The following RSF1 variants were observed in gnomAD, a reference collection of about 807,000 sequenced individuals.
RSF1 encodes the protein HBV pX-associated protein 8.
In RSF1, 13 loss-of-function variants were observed where a neutral mutation model predicts 145.2. The observed-to-expected ratio is 0.09, with a 90% CI of 0.06 to 0.14. The LOEUF (loss-of-function observed/expected upper bound fraction) is 0.14, where lower values mean the gene tolerates loss of function less well. Ranked by LOEUF, RSF1 falls within the 10% of genes least tolerant of loss-of-function variation. The pLI is 1.00. For missense variants in RSF1, 1,517 were observed against 1,718.2 expected, an observed-to-expected ratio of 0.88 and a Z score of 2.07; for synonymous variants, 577 against 592.6, an observed-to-expected ratio of 0.97 and a Z score of 0.38.
At chr11:77,711,114 C>G (rs887708667) in intron 5 of RSF1, among the ~76,000 whole-genome samples, 7 of 148,210 alleles carry the variant, frequency 4.7e-5, no homozygotes, top group Non-Finnish European at 8.9e-5. Flanking sequence ...CACATAGACA[C>G]CCCCCCTGAC....
At chr11:77,774,518 A>C (rs1335363386) in intron 1 of RSF1, among the ~76,000 whole-genome samples, 1 of 151,600 alleles carries the variant, frequency 6.6e-6, no homozygotes, top group Non-Finnish European at 1.5e-5. Flanking sequence ...GTTGCAGTGA[A>C]CTGAGATTGC....
chr11:77,858,264 G>A, the RSF1 span, among the ~76,000 whole-genome samples: 7 of 143,976 alleles, frequency 4.9e-5, no homozygotes, highest in South Asian at 2.2e-4. Context: ...GTGCAATCTC[G>A]GCTCACTACA....
At chr11:77,871,825 G>T in the RSF1 span, among the ~76,000 whole-genome samples, 4 of 152,162 alleles carry the variant, frequency 2.6e-5, no homozygotes, top group Admixed American at 2.6e-4. Flanking sequence ...AACCCTAGGT[G>T]TTAATGTCCC....
intron 1 of RSF1, among the ~76,000 whole-genome samples, chr11:77,774,485 T>A (rs557893154): frequency 9.6e-4 from 146 of 151,694 alleles, no homozygotes; most frequent in African/African-American, 3.4e-3. Context: ...GGCAGGAGAA[T>A]CACTTGAACC....
chr11:77,766,468 T>C (rs1948227279), intron 1 of RSF1, among the ~76,000 whole-genome samples: 1 of 148,142 alleles, frequency 6.8e-6, no homozygotes, highest in Non-Finnish European at 1.5e-5. Flanking sequence ...TTAATGAGCC[T>C]ACTTGAGTGA....
chr11:77,685,233 C>A, intron 9 of RSF1, 74 bp from the exon 10 acceptor site: 1 of 788,926 alleles, frequency 1.3e-6, no homozygotes, highest in Non-Finnish European at 2.0e-6. Flanking sequence ...CACGAATACA[C>A]ATAATGTTAA....
At chr11:77,678,850 C>A (rs1361910022) in intron 11 of RSF1, among the ~76,000 whole-genome samples, 1 of 152,286 alleles carries the variant, frequency 6.6e-6, no homozygotes, top group East Asian at 1.9e-4. Flanking sequence ...AGAAAGCAGG[C>A]CCTCACCAGA....
intron 14 of RSF1, among the ~76,000 whole-genome samples, chr11:77,673,652 T>A (rs1184676631): frequency 6.6e-6 from 1 of 152,118 alleles, no homozygotes; most frequent in African/African-American, 2.4e-5. Context: ...GTTAGAATTA[T>A]CCACAGGAAC....
At chr11:77,731,718 G>A (rs978646660) in intron 4 of RSF1, among the ~76,000 whole-genome samples, 3 of 152,382 alleles carry the variant, frequency 2.0e-5, no homozygotes, top group Admixed American at 2.0e-4. Context: ...TCAGGCTGTG[G>A]CTTCAGAGGG....
chr11:77,793,171 G>A (rs1436727785), intron 1 of RSF1, among the ~76,000 whole-genome samples: 1 of 152,098 alleles, frequency 6.6e-6, no homozygotes, highest in Non-Finnish European at 1.5e-5. Flanking sequence ...GATACAAACT[G>A]GCTGAATGGA....
the RSF1 span, among the ~76,000 whole-genome samples, chr11:77,843,021 C>G: frequency 6.6e-6 from 1 of 152,148 alleles, no homozygotes; most frequent in Non-Finnish European, 1.5e-5. Flanking sequence ...TTACATCATT[C>G]AGATATCTTA....
In RSF1 at chr11:77,715,348, C is replaced by T. The variant is rs1321122995; in HGVS notation, c.733+10197G>A. On this transcript the variant is annotated intron_variant, in intron 5 of 15. Coordinates refer to ENST00000308488, the MANE Select transcript of RSF1 (RefSeq NM_016578.4). ...AATAAAGAGTATCTTTTCTTTTATT[C>T]CTATAAAAGGAAACTATTTTAGATA... Among the ~76,000 whole-genome samples the T allele has an allele frequency of 2.6e-5, 4 of 151,968 alleles. No homozygotes were observed. In the East Asian group the frequency reaches 7.7e-4, roughly 29 times the overall value.
intron 9 of RSF1, among the ~76,000 whole-genome samples, chr11:77,688,423 GC>G (rs1278856013): frequency 6.6e-6 from 1 of 152,170 alleles, no homozygotes; most frequent in Non-Finnish European, 1.5e-5. Flanking sequence ...ACAGATTTGA[GC>G]AAGATGGAGG....
intron 1 of RSF1, among the ~76,000 whole-genome samples, chr11:77,785,191 A>G (rs2135960479): frequency 6.6e-6 from 1 of 152,372 alleles, no homozygotes; most frequent in East Asian, 1.9e-4. Context: ...TACAATATCT[A>G]AAAAGAGATG....
the RSF1 span, chr11:77,842,721 CTT>C: frequency 6.5e-7 from 1 of 1,530,290 alleles, no homozygotes; most frequent in Non-Finnish European, 8.9e-7. Context: ...AACTATTTCT[CTT>C]GTGTCTTTTT....
the RSF1 span, among the ~76,000 whole-genome samples, chr11:77,870,511 G>A: frequency 1.3e-5 from 2 of 151,146 alleles, no homozygotes; most frequent in African/African-American, 4.9e-5. Flanking sequence ...TAATTTTTTT[G>A]TATTTTTAGT....
chr11:77,742,493 T>TG (rs1765770320), intron 3 of RSF1, among the ~76,000 whole-genome samples: 2 of 152,202 alleles, frequency 1.3e-5, no homozygotes, highest in African/African-American at 4.8e-5. Context: ...TTGGTCAGGA[T>TG]GGTCTTGATC....
At chr11:77,670,113 G>T (rs1959482547) in intron 15 of RSF1, among the ~76,000 whole-genome samples, 1 of 152,154 alleles carries the variant, frequency 6.6e-6, no homozygotes, top group African/African-American at 2.4e-5. Flanking sequence ...GTGAGACCCT[G>T]TCTCAAAAAC....
intron 4 of RSF1, chr11:77,734,911 GACATGGACAGGTAA>G: frequency 6.3e-7 from 1 of 1,582,230 alleles, no homozygotes; most frequent in Non-Finnish European, 8.6e-7. Flanking sequence ...AAAGCAGTAA[GACATGGACAGGTAA>G]ACGTAGGAGG....
Sources: gnomAD v4.1 joint callset for allele counts (sites outside exome capture counted in the v4.1 genomes callset) on GRCh38, gnomAD v4.1.1 for gene constraint, MANE v1.5 for transcripts, NCBI Gene and HGNC (gene_info 2026-07-23, HGNC 2026-07-21) for gene names.